Variants in FMNL2 observed in about 807,000 individuals in gnomAD.
The protein encoded by FMNL2 is formin-like protein 2.
In FMNL2, 51 loss-of-function variants were observed where a neutral mutation model predicts 130.2. The observed-to-expected ratio is 0.39, with a 90% CI of 0.31 to 0.49. FMNL2 has a LOEUF of 0.49. FMNL2 is among the 20% of genes least tolerant of loss of function. The pLI, the probability that FMNL2 is intolerant of heterozygous loss-of-function variation, is 0.85. For synonymous variants in FMNL2, 465 were observed against 467.1 expected (o/e 1.00, Z 0.06); for missense variants, 977 against 1,316.2 (o/e 0.74, Z 3.99).
intron 1 of FMNL2, among the ~76,000 whole-genome samples, chr2:152,361,250 C>T (rs1006490560): frequency 6.6e-6 from 1 of 152,004 alleles, no homozygotes; most frequent in Non-Finnish European, 1.5e-5. Flanking sequence ...TGATAATAAT[C>T]AATTTTTACA....
intron 15 of FMNL2, among the ~76,000 whole-genome samples, chr2:152,624,041 CT>C (rs1287316160): frequency 1.5e-4 from 5 of 32,652 alleles, no homozygotes; most frequent in Non-Finnish European, 1.8e-4. Context: ...AATTCCTTCC[CT>C]TCCCTCCCCT....
chr2:152,475,467 GT>G (rs1319601427), intron 1 of FMNL2, among the ~76,000 whole-genome samples: 1 of 151,520 alleles, frequency 6.6e-6, no homozygotes. Flanking sequence ...TAAAAGAATA[GT>G]TTTTTTTGGT....
At chr2:152,355,588 G>A (rs1358527314) in intron 1 of FMNL2, among the ~76,000 whole-genome samples, 1 of 152,202 alleles carries the variant, frequency 6.6e-6, no homozygotes, top group Non-Finnish European at 1.5e-5. Context: ...CAAAGGAGCA[G>A]CAGATATGCA....
intron 1 of FMNL2, among the ~76,000 whole-genome samples, chr2:152,389,222 C>T (rs1283076496): frequency 6.6e-6 from 1 of 152,082 alleles, no homozygotes; most frequent in Non-Finnish European, 1.5e-5. Context: ...ACTTATTTCT[C>T]ATGGTTCTGG....
intron 1 of FMNL2, among the ~76,000 whole-genome samples, chr2:152,499,956 CTTTCTCTTTTTCCTCTAGCCTGGAGGAA>C (rs1311277920): frequency 6.6e-6 from 1 of 152,072 alleles, no homozygotes; most frequent in African/African-American, 2.4e-5. Context: ...TTCTGAGTTT[CTTTCTCTTTTTCCTCTAGCCTGGAGGAA>C]GTCTGTCTGC....
At position 152,581,769 on chromosome 2, in the gene FMNL2, T is replaced by G. The variant is rs561339926; in HGVS notation, c.876+720T>G. Among the ~76,000 whole-genome samples, 143 of 152,332 alleles carry G rather than the reference T, an allele frequency of 9.4e-4. 4 individuals carry two copies. The South Asian group carries it at 0.028, about 30-fold the overall frequency. On this transcript the variant is annotated intron_variant, in intron 9 of 25. Coordinates refer to ENST00000288670, the MANE Select transcript of FMNL2 (RefSeq NM_052905.4). ...ATATGCCTGACATCAGAGGCTACTT[T>G]GAGGTGAGAAATTACAAAGTAGTCC...
intron 1 of FMNL2, among the ~76,000 whole-genome samples, chr2:152,465,634 C>T (rs1689488903): frequency 6.6e-6 from 1 of 152,180 alleles, no homozygotes. Flanking sequence ...GATATATCCC[C>T]ACCCCCCATC....
intron 1 of FMNL2, among the ~76,000 whole-genome samples, chr2:152,468,637 AT>A (rs1368530476): frequency 6.6e-6 from 1 of 152,196 alleles, no homozygotes; most frequent in Non-Finnish European, 1.5e-5. Context: ...GATATACCTT[AT>A]TTAAGCCAGT....
At chr2:152,599,206 C>T (rs1034050200) in intron 9 of FMNL2, among the ~76,000 whole-genome samples, 4 of 152,184 alleles carry the variant, frequency 2.6e-5, no homozygotes, top group Non-Finnish European at 4.4e-5. Context: ...ATCACTTCAC[C>T]GTCTCAAGTT....
At chr2:152,346,681 C>T (rs950985246) in intron 1 of FMNL2, among the ~76,000 whole-genome samples, 8 of 152,046 alleles carry the variant, frequency 5.3e-5, no homozygotes, top group South Asian at 4.1e-4. Context: ...AAAAGTTCCA[C>T]GATTGATTTC....
rs1406257496 is a variant in FMNL2, at chr2:152,637,655, G to A, written c.2927G>A (p.Arg976Gln). ...TCTGTCTTCTTTCCTGTCTTTGTCC[G>A]GTTTGTGAAAGCATATAAGGTATAT... The part of the protein sequence containing the change: ...PPSVFFPVFV[R>Q]FVKAYKQAEE... Residue 976 changes from arginine to glutamine, a missense_variant, in exon 23 of 26, where the codon CGG becomes CAG. Coordinates refer to ENST00000288670, the MANE Select transcript of FMNL2 (RefSeq NM_052905.4). The A allele has an allele frequency of 3.7e-6, 6 of 1,613,912 alleles. No individual in the cohort carries two copies. The highest frequency in any genetic ancestry group is 5.1e-6 in the Non-Finnish European group (6 of 1,179,842).
chr2:152,519,426 T>G (rs1025537618), intron 1 of FMNL2, among the ~76,000 whole-genome samples: 2 of 152,176 alleles, frequency 1.3e-5, no homozygotes, highest in Non-Finnish European at 2.9e-5. Context: ...TAAGAGTTAG[T>G]CTGGAAGGGG....
At chr2:152,424,411 G>A (rs559486121) in intron 1 of FMNL2, among the ~76,000 whole-genome samples, 11 of 138,026 alleles carry the variant, frequency 8.0e-5, no homozygotes, top group African/African-American at 2.7e-4. Flanking sequence ...TTTTTTTTGA[G>A]ATGTAGTCTC....
chr2:152,616,533 T>C (rs1218486252), intron 12 of FMNL2, among the ~76,000 whole-genome samples: 1 of 152,120 alleles, frequency 6.6e-6, no homozygotes, highest in Non-Finnish European at 1.5e-5. Context: ...GGTTTCACCA[T>C]GTTGGCCAGG....
chr2:152,345,878 A>G (rs1315125201), intron 1 of FMNL2, among the ~76,000 whole-genome samples: 1 of 152,182 alleles, frequency 6.6e-6, no homozygotes, highest in Non-Finnish European at 1.5e-5. Flanking sequence ...GTGGCCTTTT[A>G]TAGCAGAATG....
chr2:152,370,856 T>C (rs961922909), intron 1 of FMNL2, among the ~76,000 whole-genome samples: 1 of 152,212 alleles, frequency 6.6e-6, no homozygotes, highest in Non-Finnish European at 1.5e-5. Context: ...TCTCCCAGTG[T>C]CTATGGGTCA....
At chr2:152,394,661 T>A (rs1361093828) in intron 1 of FMNL2, among the ~76,000 whole-genome samples, 1 of 151,240 alleles carries the variant, frequency 6.6e-6, no homozygotes, top group Admixed American at 6.6e-5. Context: ...CAACTTGATC[T>A]CCCACACTAG....
At chr2:152,484,207 T>C (rs2881339) in intron 1 of FMNL2, among the ~76,000 whole-genome samples, 60,384 of 152,052 alleles carry the variant, frequency 0.4, 12,536 homozygotes, top group East Asian at 0.68. Flanking sequence ...CTCAGTTTTT[T>C]CATCAGATAC....
At chr2:152,583,397 A>G (rs1447575378) in intron 9 of FMNL2, among the ~76,000 whole-genome samples, 1 of 152,208 alleles carries the variant, frequency 6.6e-6, no homozygotes, top group Non-Finnish European at 1.5e-5. Context: ...TGAGTTAGAA[A>G]ATAGTGAAAG....
Sources: gnomAD v4.1 joint callset for allele counts (sites outside exome capture counted in the v4.1 genomes callset) on GRCh38, gnomAD v4.1.1 for gene constraint, MANE v1.5 for transcripts, NCBI Gene and HGNC (gene_info 2026-07-23, HGNC 2026-07-21) for gene names.